STAG1: variants seen among roughly 807,000 people sequenced by gnomAD.
The protein encoded by STAG1 is STAG1 cohesin complex component.
Under a neutral mutation model 170.9 loss-of-function variants are expected in STAG1, and 26 were observed. The observed-to-expected ratio is 0.15, with a 90% CI of 0.11 to 0.21. STAG1 has a LOEUF of 0.21. Ranked by LOEUF, STAG1 falls within the 10% of genes least tolerant of loss-of-function variation. The pLI is 1.00. For synonymous variants in STAG1, 514 were observed against 497.7 expected, an observed-to-expected ratio of 1.03 and a Z score of -0.44; for missense variants, 964 against 1,509.5, an observed-to-expected ratio of 0.64 and a Z score of 5.99.
intron 14 of STAG1, among the ~76,000 whole-genome samples, chr3:136,445,755 C>G (rs1326498505): frequency 6.6e-6 from 1 of 152,162 alleles, no homozygotes; most frequent in African/African-American, 2.4e-5. Flanking sequence ...TTCTATCCCT[C>G]TTAATGCTTT....
At chr3:136,604,209 A>T in intron 4 of STAG1, 100 bp downstream of exon 4, 1 of 1,087,496 alleles carries the variant, frequency 9.2e-7, no homozygotes, top group Non-Finnish European at 1.3e-6. Context: ...TGCTTACATA[A>T]TCAACAGAAG....
chr3:136,634,539 T>C (rs536024498), intron 1 of STAG1, among the ~76,000 whole-genome samples: 10 of 138,578 alleles, frequency 7.2e-5, no homozygotes, highest in Non-Finnish European at 1.6e-4. Context: ...AAAAACACAA[T>C]ATATCAAAAT....
intron 4 of STAG1, among the ~76,000 whole-genome samples, chr3:136,602,114 CTCACG>C (rs1264181931): frequency 1.3e-5 from 2 of 152,088 alleles, no homozygotes; most frequent in East Asian, 3.9e-4. Flanking sequence ...GGCACAGTGG[CTCACG>C]TCTATAATCC....
intron 16 of STAG1, among the ~76,000 whole-genome samples, chr3:136,429,110 C>T (rs1404364661): frequency 6.6e-6 from 1 of 151,896 alleles, no homozygotes; most frequent in Non-Finnish European, 1.5e-5. Flanking sequence ...GCACTCCAGC[C>T]TGGAACAGAG....
At chr3:136,520,018 C>A (rs9812319) in intron 7 of STAG1, among the ~76,000 whole-genome samples, 2 of 151,754 alleles carry the variant, frequency 1.3e-5, no homozygotes, top group African/African-American at 4.8e-5. Context: ...AACAGAATAA[C>A]AGACACTAAT....
At chr3:136,401,074 C>T (rs1245607072) in intron 21 of STAG1, among the ~76,000 whole-genome samples, 6 of 152,140 alleles carry the variant, frequency 3.9e-5, no homozygotes. Flanking sequence ...CTTGCTATGA[C>T]ACCAATACCC....
intron 1 of STAG1, among the ~76,000 whole-genome samples, chr3:136,640,941 CTGGGA>C (rs1940774880): frequency 6.6e-6 from 1 of 152,224 alleles, no homozygotes; most frequent in African/African-American, 2.4e-5. Context: ...TCCCAAAGTG[CTGGGA>C]TTACAGGCGT....
chr3:136,368,985 CT>C, intron 24 of STAG1, 122 bp downstream of exon 24: 1 of 940,848 alleles, frequency 1.1e-6, no homozygotes, highest in Non-Finnish European at 1.5e-6. Flanking sequence ...GCCACTGCAC[CT>C]GGCCAACTTT....
intron 5 of STAG1, among the ~76,000 whole-genome samples, chr3:136,565,262 G>A (rs1937035491): frequency 6.6e-6 from 1 of 151,688 alleles, no homozygotes; most frequent in South Asian, 2.1e-4. Flanking sequence ...CCTAGAGAGC[G>A]GACAAAAATA....
chr3:136,622,752 A>G (rs1939922363), intron 3 of STAG1, among the ~76,000 whole-genome samples: 1 of 152,198 alleles, frequency 6.6e-6, no homozygotes, highest in Non-Finnish European at 1.5e-5. Flanking sequence ...GAGCTCTTCT[A>G]AACTTCCCAA....
At chr3:136,604,809 C>G (rs568597116) in intron 3 of STAG1, among the ~76,000 whole-genome samples, 3 of 152,224 alleles carry the variant, frequency 2.0e-5, no homozygotes, top group Admixed American at 2.0e-4. Context: ...ACCACCACGA[C>G]CAGTTAATTT....
At chr3:136,408,206 A>G (rs1477498067) in intron 21 of STAG1, among the ~76,000 whole-genome samples, 1 of 152,230 alleles carries the variant, frequency 6.6e-6, no homozygotes, top group South Asian at 2.1e-4. Flanking sequence ...CCAAGTGTAT[A>G]TTTATAATCT....
intron 4 of STAG1, among the ~76,000 whole-genome samples, chr3:136,598,873 T>C (rs937753953): frequency 1.3e-5 from 2 of 152,236 alleles, no homozygotes; most frequent in African/African-American, 4.8e-5. Context: ...TCTTTCAAAA[T>C]TTCCTTAATA....
At chr3:136,407,706 C>T (rs949175015) in intron 21 of STAG1, among the ~76,000 whole-genome samples, 1 of 152,022 alleles carries the variant, frequency 6.6e-6, no homozygotes, top group Non-Finnish European at 1.5e-5. Flanking sequence ...AGGTGATCTG[C>T]CCACCTCAGC....
In STAG1 at chr3:136,650,028, A is replaced by AG. The variant is rs199751472; in HGVS notation, c.-83-19048_-83-19047insC. ...GTGATCCACCCACCTAGGCCTCCCA[A>AG]AGTGCTGGGATTACAGGCGTGAGCC... On this transcript the variant is annotated intron_variant, in intron 1 of 33. Transcript: ENST00000383202. Among the ~76,000 whole-genome samples the AG allele has an allele frequency of 9.8e-3, 1,494 of 152,156 alleles. 86 individuals carry two copies. The highest frequency in any genetic ancestry group is 0.082 in the Admixed American group (1,251 of 15,276).
At chr3:136,512,917 G>T (rs939731478) in intron 7 of STAG1, among the ~76,000 whole-genome samples, 3 of 152,096 alleles carry the variant, frequency 2.0e-5, no homozygotes, top group Non-Finnish European at 4.4e-5. Context: ...TGAGGAAAAT[G>T]TCCAATATGA....
chr3:136,714,996 T>C (rs1273373507), intron 1 of STAG1, among the ~76,000 whole-genome samples: 1 of 111,400 alleles, frequency 9.0e-6, no homozygotes, highest in Non-Finnish European at 2.0e-5. Flanking sequence ...ATATATTTTA[T>C]ATATATAATA....
At chr3:136,625,576 A>G (rs1940058111) in intron 2 of STAG1, among the ~76,000 whole-genome samples, 4 of 152,334 alleles carry the variant, frequency 2.6e-5, no homozygotes, top group Admixed American at 2.0e-4. Flanking sequence ...TATTATACAA[A>G]TTTATTGTCA....
chr3:136,349,141 T>G lies in STAG1; in HGVS notation c.3271+17A>C. On this transcript the variant is annotated intron_variant, in intron 29 of 33. Coordinates refer to ENST00000383202, the MANE Select transcript of STAG1 (RefSeq NM_005862.3). Reference sequence around the variant, plus strand: ...AAACCAGGCAAATTGTTTCTTATAGTGTAAAGGCAGACTTACCTTCTACTC... The same window carrying G: ...AAACCAGGCAAATTGTTTCTTATAGGGTAAAGGCAGACTTACCTTCTACTC... 1 of 1,592,170 alleles carries G rather than the reference T, an allele frequency of 6.3e-7. No homozygotes were observed. Among genetic ancestry groups the G allele is most frequent in the Non-Finnish European group, 8.6e-7 (1 of 1,160,244 alleles).
Sources: gnomAD v4.1 joint callset for allele counts (sites outside exome capture counted in the v4.1 genomes callset) on GRCh38, gnomAD v4.1.1 for gene constraint, MANE v1.5 for transcripts, NCBI Gene and HGNC (gene_info 2026-07-23, HGNC 2026-07-21) for gene names.